The following GPAT4 variants were observed in gnomAD, a reference collection of about 807,000 sequenced individuals.
The protein encoded by GPAT4 is glycerol-3-phosphate acyltransferase 4, also known as 1-AGP acyltransferase 6.
Under a neutral mutation model 58.0 loss-of-function variants are expected in GPAT4, and 17 were observed. The ratio of observed to expected loss-of-function variants is 0.29; its 90% confidence interval spans 0.20 to 0.44. The LOEUF (loss-of-function observed/expected upper bound fraction) is 0.44. GPAT4 is among the 20% of genes least tolerant of loss of function. GPAT4 has a pLI of 1.00. For synonymous variants in GPAT4, 204 were observed against 210.1 expected, an observed-to-expected ratio of 0.97 and a Z score of 0.25; for missense variants, 377 against 574.5, an observed-to-expected ratio of 0.66 and a Z score of 3.51.
At chr8:41,595,573 G>T (rs71521535) in intron 1 of GPAT4, among the ~76,000 whole-genome samples, 1 of 151,930 alleles carries the variant, frequency 6.6e-6, no homozygotes, top group South Asian at 2.1e-4. Flanking sequence ...TTACAACAAG[G>T]TGGTATTGGA....
chr8:41,607,816 C>G (rs1803324674), intron 2 of GPAT4, among the ~76,000 whole-genome samples: 2 of 152,092 alleles, frequency 1.3e-5, no homozygotes, highest in Non-Finnish European at 2.9e-5. Flanking sequence ...GGCATGAGCC[C>G]CACTGCGTCT....
chr8:41,595,156 GTTTT>G (rs1159786065), intron 1 of GPAT4, among the ~76,000 whole-genome samples: 1 of 130,294 alleles, frequency 7.7e-6, no homozygotes. Flanking sequence ...AATTGGTATA[GTTTT>G]TTTTTTTTTT....
rs1254690564 is a variant in GPAT4, at chr8:41,622,047, A to T, written c.*1046A>T. ...AAGCCAACTGACTGCTGGAGCGAGGAACCCTGCAGCTCAGAAGGTGAACAG... is the reference window on the plus strand; with the variant it reads ...AAGCCAACTGACTGCTGGAGCGAGGTACCCTGCAGCTCAGAAGGTGAACAG... On this transcript the variant is annotated 3_prime_UTR_variant, in exon 13 of 13. Transcript: ENST00000396987. 2 of 152,172 alleles carry T rather than the reference A, an allele frequency of 1.3e-5. No individual in the cohort carries two copies. Among genetic ancestry groups the T allele is most frequent in the African/African-American group, 4.8e-5 (2 of 41,418 alleles). The allele number at this position is 152,172 out of a possible 1,614,324, so 9.4% of individuals were successfully genotyped here.
chr8:41,587,609 T>C (rs1585649936), intron 1 of GPAT4, among the ~76,000 whole-genome samples: 1 of 152,182 alleles, frequency 6.6e-6, no homozygotes, highest in South Asian at 2.1e-4. Flanking sequence ...CATTGTAAGA[T>C]GTGCAGCATC....
At chr8:41,611,562 C>A (rs1203757264) in intron 5 of GPAT4, among the ~76,000 whole-genome samples, 1 of 152,194 alleles carries the variant, frequency 6.6e-6, no homozygotes, top group Non-Finnish European at 1.5e-5. Context: ...CTTTCTTCTG[C>A]CTGGGCGGGT....
At chr8:41,614,464 G>C (rs758373197) in intron 9 of GPAT4, 23 bp downstream of exon 9, 4 of 1,613,024 alleles carry the variant, frequency 2.5e-6, no homozygotes, top group African/African-American at 2.7e-5. Flanking sequence ...TGGTTGCCAC[G>C]AAGGGCTTCT....
At chr8:41,608,758 A>T (rs1319872149) in intron 2 of GPAT4, among the ~76,000 whole-genome samples, 1 of 152,052 alleles carries the variant, frequency 6.6e-6, no homozygotes, top group Non-Finnish European at 1.5e-5. Flanking sequence ...AGATTCAGAG[A>T]CTTGGAATGG....
rs1803824424 is a variant in GPAT4, at chr8:41,623,625, T to A, written c.*2624T>A. 6.6e-6 allele frequency: 1 copy of A among 152,270 alleles called. No homozygotes were observed. Among genetic ancestry groups the A allele is most frequent in the South Asian group, 2.1e-4 (1 of 4,830 alleles). The allele number at this position is 152,270 out of a possible 1,614,324, so 9.4% of individuals were successfully genotyped here. ...TTTGGCTTTGATCTCTGAAGTCTTC[T>A]GGGTTTGGAAATACGGGAAGTCAGC... On this transcript the variant is annotated 3_prime_UTR_variant, in exon 13 of 13. Transcript: ENST00000396987.
chr8:41,593,557 C>T (rs954897405), intron 1 of GPAT4, among the ~76,000 whole-genome samples: 1 of 152,128 alleles, frequency 6.6e-6, no homozygotes, highest in Non-Finnish European at 1.5e-5. Flanking sequence ...GGGACTATGG[C>T]CCACGACTCT....
At chr8:41,589,279 C>A (rs1354527575) in intron 1 of GPAT4, among the ~76,000 whole-genome samples, 3 of 148,020 alleles carry the variant, frequency 2.0e-5, no homozygotes, top group African/African-American at 7.5e-5. Flanking sequence ...TTAGTGTTGG[C>A]CAAATAACTT....
Position 41,612,279 on chromosome 8 carries a change from A to AG in GPAT4, c.795+7dup. On this transcript the variant is annotated splice_region_variant and intron_variant, in intron 7 of 12. Coordinates refer to ENST00000396987, the MANE Select transcript of GPAT4 (RefSeq NM_178819.4). ...GCGATGGCTATTATGCCATGGTAAG[A>AG]GCTCTTTCCGGTGCGTTCTTGAGGC... The AG allele has an allele frequency of 6.2e-7, 1 of 1,614,154 alleles. No homozygotes were observed. The highest frequency in any genetic ancestry group is 8.5e-7 in the Non-Finnish European group (1 of 1,179,972).
At chr8:41,610,334 G>C in intron 4 of GPAT4, 1 of 1,220,492 alleles carries the variant, frequency 8.2e-7, no homozygotes, top group Non-Finnish European at 1.0e-6. Context: ...GCTGCTCTGA[G>C]TGTGCCTTGC....
intron 1 of GPAT4, among the ~76,000 whole-genome samples, chr8:41,591,937 C>T (rs971615105): frequency 6.6e-6 from 1 of 152,224 alleles, no homozygotes. Context: ...ATAGTCAAGG[C>T]TCTGCCAGTT....
At position 41,609,434 on chromosome 8, in the gene GPAT4, G is replaced by C. The variant is rs866267744; in HGVS notation, c.184G>C (p.Glu62Gln). 17 of 1,614,108 alleles carry C rather than the reference G, an allele frequency of 1.1e-5. 1 individual carries two copies. The Middle Eastern group carries it at 2.8e-3, about 266-fold the overall frequency. ...KIFAWATLRM[E>Q]RGAKEKNHQL... is the part of the protein sequence containing the mutation. ...CTCCCAGTGGGCTACCTTGAGAATGGAGCGAGGAGCCAAGGAGAAGAACCA... is the reference window on the plus strand; with the variant it reads ...CTCCCAGTGGGCTACCTTGAGAATGCAGCGAGGAGCCAAGGAGAAGAACCA... The change falls in exon 3 of 13, where the codon GAG becomes CAG. Residue 62 changes from glutamate to glutamine, a missense_variant. Coordinates refer to ENST00000396987, the MANE Select transcript of GPAT4 (RefSeq NM_178819.4).
chr8:41,591,275 C>T (rs1341678077), intron 1 of GPAT4, among the ~76,000 whole-genome samples: 1 of 152,152 alleles, frequency 6.6e-6, no homozygotes, highest in African/African-American at 2.4e-5. Flanking sequence ...TTTTTAACTA[C>T]CAGGCCCAGG....
intron 1 of GPAT4, among the ~76,000 whole-genome samples, chr8:41,587,009 G>C (rs1357805012): frequency 6.6e-6 from 1 of 152,212 alleles, no homozygotes. Context: ...AGTGGCCAGG[G>C]GATGGTTCTG....
At chr8:41,581,879 C>T (rs1281655214) in intron 1 of GPAT4, among the ~76,000 whole-genome samples, 3 of 150,656 alleles carry the variant, frequency 2.0e-5, no homozygotes, top group Non-Finnish European at 4.4e-5. Flanking sequence ...GTGATCCCCC[C>T]GCCTCGGCCT....
rs771521845 is a variant in GPAT4, at chr8:41,609,648, T to C, written c.236-7T>C. On this transcript the variant is annotated splice_region_variant and splice_polypyrimidine_tract_variant and intron_variant, in intron 3 of 12. Coordinates refer to ENST00000396987, the MANE Select transcript of GPAT4 (RefSeq NM_178819.4). ...GTGCTGCTTGACAGGGACACATTCT[T>C]TTGCAGGAATCATTGCAAAGGATCC... 3 of 1,610,016 alleles carry C rather than the reference T, an allele frequency of 1.9e-6. No homozygotes were observed. The highest frequency in any genetic ancestry group is 2.2e-5 in the South Asian group (2 of 90,736).
At chr8:41,584,289 A>G (rs1243559492) in intron 1 of GPAT4, among the ~76,000 whole-genome samples, 1 of 152,174 alleles carries the variant, frequency 6.6e-6, no homozygotes, top group African/African-American at 2.4e-5. Flanking sequence ...AAATGGTACA[A>G]CCCATTTTGG....
Sources: allele counts gnomAD v4.1 joint callset (sites outside exome capture counted in the v4.1 genomes callset), GRCh38; gene constraint gnomAD v4.1.1; transcripts MANE v1.5; gene names NCBI Gene and HGNC (gene_info 2026-07-23, HGNC 2026-07-21).